Variants in ITFG1 observed in about 807,000 individuals in gnomAD.
ITFG1 encodes the protein T-cell immunomodulatory protein.
Under a neutral mutation model 81.8 loss-of-function variants are expected in ITFG1, and 34 were observed. That is an observed-to-expected ratio of 0.42 (90% CI 0.32 to 0.55). ITFG1 has a LOEUF of 0.55. Among genes scored for constraint, ITFG1 ranks in the 20% least tolerant of loss-of-function variants. The pLI, the probability that ITFG1 is intolerant of heterozygous loss-of-function variation, is 0.17. For missense variants in ITFG1, 672 were observed against 755.4 expected (o/e 0.89, Z 1.29); for synonymous variants, 285 against 270.6 (o/e 1.05, Z -0.52).
rs1965789944 is a variant in ITFG1, at chr16:47,229,255, G to A, written c.1374+8710C>T. Among the ~76,000 whole-genome samples, 5 of 152,118 alleles carry A rather than the reference G, an allele frequency of 3.3e-5. No individual in the cohort carries two copies. In the South Asian group the frequency reaches 1.0e-3, roughly 32 times the overall value. On this transcript the variant is annotated intron_variant, in intron 13 of 17. Coordinates refer to ENST00000320640, the MANE Select transcript of ITFG1 (RefSeq NM_030790.5). ...AACTCTATGTCAAACGGAAGCCAGG[G>A]AATGCTTTCTCGGAGGAAATATTGT...
chr16:47,418,956 A>G (rs901379647), intron 6 of ITFG1, among the ~76,000 whole-genome samples: 1 of 152,188 alleles, frequency 6.6e-6, no homozygotes, highest in Non-Finnish European at 1.5e-5. Context: ...GATAGAGATT[A>G]CACTGAATTT....
intron 6 of ITFG1, among the ~76,000 whole-genome samples, chr16:47,415,390 C>A (rs1968861484): frequency 6.6e-6 from 1 of 152,102 alleles, no homozygotes; most frequent in Non-Finnish European, 1.5e-5. Context: ...GAAAGTGAGA[C>A]AATCAGAATG....
In ITFG1 at chr16:47,278,986, A is replaced by AT. The variant is rs202039802; in HGVS notation, c.1071-18292dup. ...ACCAAGTTACATTCTGAATCTTCCT[A>AT]TTTTTTTTTATTTTTGAGTTTAGAG... On this transcript the variant is annotated intron_variant, in intron 10 of 17. Coordinates refer to ENST00000320640, the MANE Select transcript of ITFG1 (RefSeq NM_030790.5). 0.012 allele frequency among the ~76,000 whole-genome samples: 1,750 copies of AT among 151,524 alleles called. 40 individuals are homozygous for AT. The East Asian group carries it at 0.12, about 10-fold the overall frequency.
Position 47,292,786 on chromosome 16 carries a change from G to C in ITFG1, c.1070+18454C>G, listed in dbSNP as rs1966924714. ...GATAATGGCCTCCAATTCCATCCTT[G>C]CTGGTGAAAAAGACATGACTTCATT... is the stretch of plus-strand genomic sequence containing the variant. On this transcript the variant is annotated intron_variant, in intron 10 of 17. Coordinates refer to ENST00000320640, the MANE Select transcript of ITFG1 (RefSeq NM_030790.5). Among the ~76,000 whole-genome samples the C allele has an allele frequency of 2.0e-5, 3 of 150,986 alleles. No individual in the cohort carries two copies. In the South Asian group the frequency reaches 6.3e-4, roughly 32 times the overall value.
intron 12 of ITFG1, 99 bp downstream of exon 12, chr16:47,258,533 T>C (rs941509766): frequency 7.6e-6 from 5 of 659,100 alleles, no homozygotes; most frequent in African/African-American, 7.5e-5. Context: ...GTTGATCTGA[T>C]CTAGAGGGTT....
intron 10 of ITFG1, among the ~76,000 whole-genome samples, chr16:47,262,081 C>T (rs972643327): frequency 1.3e-5 from 2 of 152,140 alleles, no homozygotes; most frequent in Non-Finnish European, 2.9e-5. Flanking sequence ...AATTTCTAAG[C>T]GTTTAACACA....
At chr16:47,223,526 C>T (rs1274799373) in intron 13 of ITFG1, among the ~76,000 whole-genome samples, 3 of 152,192 alleles carry the variant, frequency 2.0e-5, no homozygotes, top group Non-Finnish European at 4.4e-5. Flanking sequence ...TACCATCTCA[C>T]ACCAGTTAGA....
intron 10 of ITFG1, among the ~76,000 whole-genome samples, chr16:47,278,208 T>C (rs896894616): frequency 2.6e-5 from 4 of 152,206 alleles, no homozygotes; most frequent in African/African-American, 9.6e-5. Flanking sequence ...TGTCAGTGTT[T>C]AACATGTTTT....
rs557843631 is a variant in ITFG1 at position 47,202,209 on chromosome 16, C to T, written c.1453+16659G>A. 2.9e-4 allele frequency: 44 copies of T among 152,020 alleles called. 1 individual carries two copies. The highest frequency in any genetic ancestry group is 7.5e-4 in the African/African-American group (31 of 41,470). The allele number at this position is 152,020 out of a possible 1,614,324, so 9.4% of individuals were successfully genotyped here. A position where few individuals can be genotyped will look rare whatever the true frequency, so the allele number is the denominator to read the frequency against. ...CTTTATAATTTCTTTTAGTGATATCCGAATAAAAGTTGAGATGAGATGGCT... is the reference window on the plus strand; with the variant it reads ...CTTTATAATTTCTTTTAGTGATATCTGAATAAAAGTTGAGATGAGATGGCT... On this transcript the variant is annotated intron_variant, in intron 14 of 17. Coordinates refer to ENST00000320640, the MANE Select transcript of ITFG1 (RefSeq NM_030790.5).
At chr16:47,437,573 G>A (rs1261674053) in intron 5 of ITFG1, among the ~76,000 whole-genome samples, 3 of 152,100 alleles carry the variant, frequency 2.0e-5, no homozygotes, top group Non-Finnish European at 2.9e-5. Context: ...GAAAAGTTGT[G>A]GATGAAAAAA....
intron 12 of ITFG1, among the ~76,000 whole-genome samples, chr16:47,254,352 A>G (rs1966115718): frequency 6.6e-6 from 1 of 152,102 alleles, no homozygotes; most frequent in African/African-American, 2.4e-5. Flanking sequence ...CTTTTGCCTC[A>G]CCCTGAGAAC....
intron 8 of ITFG1, among the ~76,000 whole-genome samples, chr16:47,314,351 A>G (rs1448987746): frequency 1.3e-5 from 2 of 152,180 alleles, no homozygotes; most frequent in Non-Finnish European, 2.9e-5. Context: ...ATTATTATAC[A>G]GAGTATTTTA....
chr16:47,358,772 A>C (rs1382770420), intron 8 of ITFG1, among the ~76,000 whole-genome samples: 5 of 152,230 alleles, frequency 3.3e-5, no homozygotes, highest in African/African-American at 1.2e-4. Flanking sequence ...TTAATTAAAT[A>C]ATTCATTTAA....
chr16:47,450,494 C>A, intron 5 of ITFG1: 1 of 353,208 alleles, frequency 2.8e-6, no homozygotes, highest in Non-Finnish European at 5.4e-6. Flanking sequence ...TAAAGTGTCT[C>A]TTCAGAATAC....
intron 14 of ITFG1, among the ~76,000 whole-genome samples, chr16:47,216,978 AT>A (rs1277310118): frequency 2.0e-5 from 3 of 152,172 alleles, no homozygotes; most frequent in African/African-American, 7.2e-5. Flanking sequence ...CTGCATAAAA[AT>A]ATATGCAAAT....
At chr16:47,415,085 T>C (rs1968857626) in intron 6 of ITFG1, among the ~76,000 whole-genome samples, 1 of 152,244 alleles carries the variant, frequency 6.6e-6, no homozygotes. Context: ...GATATTAATG[T>C]TCCCATGTGT....
chr16:47,381,052 T>A (rs1027109117), intron 6 of ITFG1, among the ~76,000 whole-genome samples: 5 of 152,232 alleles, frequency 3.3e-5, no homozygotes, highest in African/African-American at 1.2e-4. Flanking sequence ...TTATCTCCAT[T>A]CATAGCTTGA....
At chr16:47,364,339 T>C (rs1968148317) in intron 8 of ITFG1, among the ~76,000 whole-genome samples, 1 of 152,188 alleles carries the variant, frequency 6.6e-6, no homozygotes. Flanking sequence ...TTAGCAAAAT[T>C]GTAAAAAATC....
chr16:47,377,487 C>T (rs947115770), intron 6 of ITFG1, among the ~76,000 whole-genome samples: 2 of 152,088 alleles, frequency 1.3e-5, no homozygotes, highest in Non-Finnish European at 2.9e-5. Context: ...TGTGTTACTC[C>T]CTCACAAGAA....
Sources: gnomAD v4.1 joint callset for allele counts (sites outside exome capture counted in the v4.1 genomes callset) on GRCh38, gnomAD v4.1.1 for gene constraint, MANE v1.5 for transcripts, NCBI Gene and HGNC (gene_info 2026-07-23, HGNC 2026-07-21) for gene names.